The following DHX35 variants were observed in gnomAD, a reference collection of about 807,000 sequenced individuals.
DHX35 encodes probable ATP-dependent RNA helicase DHX35.
Under a neutral mutation model 99.6 loss-of-function variants are expected in DHX35, and 84 were observed. The ratio of observed to expected loss-of-function variants is 0.84; its 90% confidence interval spans 0.71 to 1.01. The LOEUF is 1.01. DHX35 is among the 50% of genes least tolerant of loss of function. DHX35 has a pLI of 0.00. For synonymous variants in DHX35, 331 were observed against 316.2 expected, an observed-to-expected ratio of 1.05 and a Z score of -0.50; for missense variants, 852 against 888.5, an observed-to-expected ratio of 0.96 and a Z score of 0.52.
intron 6 of DHX35, among the ~76,000 whole-genome samples, chr20:38,991,801 A>G (rs2086341896): frequency 6.6e-6 from 1 of 152,222 alleles, no homozygotes; most frequent in Admixed American, 6.5e-5. Flanking sequence ...GTGACTGCAG[A>G]GAACTAACTG....
intron 14 of DHX35, among the ~76,000 whole-genome samples, chr20:39,017,250 C>T (rs1222055376): frequency 1.3e-5 from 2 of 152,052 alleles, no homozygotes; most frequent in Non-Finnish European, 2.9e-5. Flanking sequence ...GATTTTACTT[C>T]TCTGTGAATA....
intron 1 of DHX35, among the ~76,000 whole-genome samples, chr20:38,964,025 TG>T (rs1283078508): frequency 2.6e-5 from 4 of 152,344 alleles, no homozygotes; most frequent in African/African-American, 9.6e-5. Context: ...CCCAAAGTAG[TG>T]TTGTGAGGTT....
At chr20:39,001,677 G>T in intron 8 of DHX35, 53 bp from the exon 9 acceptor site, 3 of 1,407,802 alleles carry the variant, frequency 2.1e-6, no homozygotes, top group Non-Finnish European at 3.0e-6. Context: ...TCCATGAATC[G>T]CTACGAACCT....
chr20:39,002,930 A>T, intron 10 of DHX35, 62 bp downstream of exon 10: 1 of 1,358,758 alleles, frequency 7.4e-7, no homozygotes, highest in Non-Finnish European at 1.0e-6. Context: ...AGTAATACAG[A>T]GCCTTGTTAC....
intron 16 of DHX35, 125 bp from the exon 17 acceptor site, chr20:39,023,565 C>A: frequency 2.6e-6 from 2 of 771,512 alleles, no homozygotes; most frequent in Non-Finnish European, 4.3e-6. Context: ...GTTGCCCAGG[C>A]TGGTCTCGAA....
rs1319358061 is a variant in DHX35 at position 39,010,469 on chromosome 20, A to G, written c.1347+65A>G. The G allele has an allele frequency of 1.9e-5, 31 of 1,595,962 alleles. No individual in the cohort carries two copies. In the Admixed American group the frequency reaches 3.1e-4, roughly 16 times the overall value. ...GGAGCTCACAGGGGGATGTCAGGAC[A>G]TTGTCGTAGGGCATGCCATCTTTCC... is the stretch of plus-strand genomic sequence containing the variant. On this transcript the variant is annotated intron_variant, in intron 13 of 21. Coordinates refer to ENST00000252011, the MANE Select transcript of DHX35 (RefSeq NM_021931.4).
intron 18 of DHX35, among the ~76,000 whole-genome samples, chr20:39,027,248 A>G (rs1279633085): frequency 6.6e-6 from 1 of 152,234 alleles, no homozygotes. Context: ...GTGCTTAGGA[A>G]AAATACAGAA....
rs187695768 is a variant in DHX35 at position 38,970,365 on chromosome 20, C to G, written c.174+1151C>G. Among the ~76,000 whole-genome samples the G allele has an allele frequency of 8.1e-4, 124 of 152,254 alleles. 1 individual carries two copies. Among genetic ancestry groups the G allele is most frequent in the Non-Finnish European group, 2.6e-4 (18 of 68,018 alleles). The stretch of plus-strand genomic sequence containing the variant: ...CCTTACTTGGAGTTTTATGTGGCTC[C>G]CAATATTTTAGTCACAAGTGAACTG... On this transcript the variant is annotated intron_variant, in intron 2 of 21. Coordinates refer to ENST00000252011, the MANE Select transcript of DHX35 (RefSeq NM_021931.4).
At chr20:39,010,551 C>T (rs1322465549) in intron 13 of DHX35, 147 bp downstream of exon 13, 18 of 1,149,340 alleles carry the variant, frequency 1.6e-5, no homozygotes, top group Non-Finnish European at 2.0e-5. Context: ...AGGCCCTGTG[C>T]AGGACGTAGG....
At chr20:39,004,269 G>A (rs2086575768) in intron 11 of DHX35, among the ~76,000 whole-genome samples, 1 of 152,050 alleles carries the variant, frequency 6.6e-6, no homozygotes, top group South Asian at 2.1e-4. Context: ...GTTTCACTAA[G>A]TTAGCCAGGA....
At position 38,994,631 on chromosome 20, in the gene DHX35, A is replaced by ACCC. The variant is rs35259351; in HGVS notation, c.583-180_583-178dup. Among the ~76,000 whole-genome samples the ACCC allele has an allele frequency of 6.7e-5, 5 of 74,418 alleles. 1 individual carries two copies. Among genetic ancestry groups the ACCC allele is most frequent in the South Asian group, 6.6e-4 (1 of 1,510 alleles). 48.8% of individuals were successfully genotyped at this position (74,418 alleles called of 152,430 possible). On this transcript the variant is annotated intron_variant, in intron 7 of 21. Transcript: ENST00000252011. ...CAAAATTGGAAGTAATAGTGTAATGACCCCCCCCCCCCTTTATTGACAATT... is the reference window on the plus strand; with the variant it reads ...CAAAATTGGAAGTAATAGTGTAATGACCCCCCCCCCCCCCCTTTATTGACAATT...
chr20:38,967,259 G>T lies in DHX35; in HGVS notation c.41-1822G>T, dbSNP rs541824340. 7.2e-5 allele frequency among the ~76,000 whole-genome samples: 11 copies of T among 152,314 alleles called. No homozygotes were observed. The South Asian group carries it at 2.3e-3, about 32-fold the overall frequency. Reference sequence around the variant, plus strand: ...AAAAAGTGTAAAAGTAAGTCACTGAGCTGAATATTCTTGTTACAAAGCTCC... The same window carrying T: ...AAAAAGTGTAAAAGTAAGTCACTGATCTGAATATTCTTGTTACAAAGCTCC... On this transcript the variant is annotated intron_variant, in intron 1 of 21. Transcript: ENST00000252011.
chr20:39,023,838 C>T lies in DHX35; in HGVS notation c.1671+71C>T, dbSNP rs986781563. 1.2e-5 allele frequency: 16 copies of T among 1,308,598 alleles called. No individual in the cohort carries two copies. In the Admixed American group the frequency reaches 1.2e-4, roughly 10 times the overall value. 81.1% of individuals were successfully genotyped at this position (1,308,598 alleles called of 1,614,324 possible). A position where few individuals can be genotyped will look rare whatever the true frequency, so the allele number is the denominator to read the frequency against. On this transcript the variant is annotated intron_variant, in intron 17 of 21. Transcript: ENST00000252011. Reference sequence around the variant, plus strand: ...CTGGAGGTGATCTAGGAGGGAGGATCCCAGAAGTTCAGTTCGTAAAGGAAT... The same window carrying T: ...CTGGAGGTGATCTAGGAGGGAGGATTCCAGAAGTTCAGTTCGTAAAGGAAT...
chr20:38,992,554 C>A, intron 7 of DHX35, 129 bp downstream of exon 7: 1 of 840,618 alleles, frequency 1.2e-6, no homozygotes, highest in South Asian at 1.5e-5. Context: ...ATAATCCTAC[C>A]CATTCAGAGA....
intron 11 of DHX35, among the ~76,000 whole-genome samples, chr20:39,005,720 G>A (rs1456395824): frequency 6.6e-6 from 1 of 152,108 alleles, no homozygotes; most frequent in African/African-American, 2.4e-5. Flanking sequence ...AACAGTGCTT[G>A]GCAAAGTGCA....
At chr20:39,034,843 C>G (rs1489884224) in intron 21 of DHX35, among the ~76,000 whole-genome samples, 1 of 149,682 alleles carries the variant, frequency 6.7e-6, no homozygotes, top group Non-Finnish European at 1.5e-5. Flanking sequence ...GTTACAAACT[C>G]CTGGCCTCAA....
rs1000839457 is a variant in DHX35, at chr20:39,039,405, G to A, written c.*862G>A. On this transcript the variant is annotated 3_prime_UTR_variant, in exon 22 of 22. Transcript: ENST00000252011. The stretch of plus-strand genomic sequence containing the variant: ...TTTGTTTTTTTGTTTGTTTGCTTGG[G>A]TTCTTGCAAGAGCGCGTGGGGACAG... 1 of 152,632 alleles carries A rather than the reference G, an allele frequency of 6.6e-6. No individual in the cohort carries two copies. Among genetic ancestry groups the A allele is most frequent in the African/African-American group, 2.4e-5 (1 of 41,428 alleles). 9.5% of individuals were successfully genotyped at this position (152,632 alleles called of 1,614,324 possible). A position where few individuals can be genotyped will look rare whatever the true frequency, so the allele number is the denominator to read the frequency against.
At chr20:39,027,075 C>CCCCCTGCCTCCAAGAACCAGTTTCCA (rs1180268731) in intron 18 of DHX35, among the ~76,000 whole-genome samples, 1 of 152,160 alleles carries the variant, frequency 6.6e-6, no homozygotes, top group Non-Finnish European at 1.5e-5. Context: ...ATGCTCCCCT[C>CCCCCTGCCTCCAAGAACCAGTTTCCA]CCCCTGCCTC....
At chr20:38,971,989 TTTTTGTTTTGTTTTG>T (rs1247115922) in intron 2 of DHX35, among the ~76,000 whole-genome samples, 3 of 142,514 alleles carry the variant, frequency 2.1e-5, no homozygotes, top group African/African-American at 7.9e-5. Flanking sequence ...TTTCTTGTTT[TTTTTGTTTTGTTTTG>T]TTTTTTTTTT....
Sources: allele counts gnomAD v4.1 joint callset (sites outside exome capture counted in the v4.1 genomes callset), GRCh38; gene constraint gnomAD v4.1.1; transcripts MANE v1.5; gene names NCBI Gene and HGNC (gene_info 2026-07-23, HGNC 2026-07-21).